The following IL7 variants were observed in gnomAD, a reference collection of about 807,000 sequenced individuals.
IL7 encodes interleukin-7.
Under a neutral mutation model 21.6 loss-of-function variants are expected in IL7, and 3 were observed. The ratio of observed to expected loss-of-function variants is 0.14; its 90% confidence interval spans 0.06 to 0.36. The LOEUF (loss-of-function observed/expected upper bound fraction) is 0.36. Among genes scored for constraint, IL7 ranks in the 10% least tolerant of loss-of-function variants. IL7 has a pLI of 1.00. For synonymous variants in IL7, 62 were observed against 68.1 expected, an observed-to-expected ratio of 0.91 and a Z score of 0.44; for missense variants, 175 against 200.2, an observed-to-expected ratio of 0.87 and a Z score of 0.76.
intron 4 of IL7, chr8:78,678,815 G>A (rs1809669870): frequency 2.0e-6 from 1 of 501,196 alleles, no homozygotes; most frequent in Non-Finnish European, 3.3e-6. Context: ...ATACAATTCT[G>A]TGTTATATGT....
intron 2 of IL7, among the ~76,000 whole-genome samples, chr8:78,778,982 A>G (rs544050139): frequency 2.0e-5 from 3 of 151,932 alleles, no homozygotes; most frequent in Admixed American, 2.0e-4. Context: ...TGTATTCCTA[A>G]GTATTTTATC....
chr8:78,718,863 T>C (rs1243431860), intron 6 of IL7: 2 of 151,818 alleles, frequency 1.3e-5, no homozygotes, highest in Non-Finnish European at 3.0e-5. Context: ...TCTTATATAA[T>C]TCCTAGCTTT....
At chr8:78,686,638 C>A in intron 3 of IL7, 2 of 1,432,160 alleles carry the variant, frequency 1.4e-6, no homozygotes, top group South Asian at 1.7e-5. Flanking sequence ...CAGAAATGTT[C>A]ATGTGGAAAG....
At chr8:78,743,676 A>G (rs1811876181) in intron 2 of IL7, among the ~76,000 whole-genome samples, 1 of 152,162 alleles carries the variant, frequency 6.6e-6, no homozygotes, top group African/African-American at 2.4e-5. Context: ...TGGAGAGGTA[A>G]TGAGGTCAGC....
At chr8:78,784,629 C>T (rs1263632458) in intron 2 of IL7, among the ~76,000 whole-genome samples, 2 of 151,444 alleles carry the variant, frequency 1.3e-5, no homozygotes, top group South Asian at 2.1e-4. Flanking sequence ...CTTGTCTGTA[C>T]CAGGTAACAT....
At chr8:78,718,812 C>G (rs1479721011) in intron 6 of IL7, 1 of 151,564 alleles carries the variant, frequency 6.6e-6, no homozygotes, top group African/African-American at 2.4e-5. Context: ...TCAATCAAAC[C>G]TAAGAGAGCT....
intron 3 of IL7, among the ~76,000 whole-genome samples, chr8:78,695,453 A>C (rs1171316632): frequency 6.6e-6 from 1 of 152,200 alleles, no homozygotes; most frequent in Admixed American, 6.5e-5. Flanking sequence ...GTAATAGGCC[A>C]CATCAGCGCA....
At chr8:78,716,390 T>C (rs545268310), downstream of IL7, among the ~76,000 whole-genome samples, 267 of 152,240 alleles carry the variant, frequency 1.8e-3, 1 homozygote, top group African/African-American at 6.1e-3. Flanking sequence ...CCCAAAGTGC[T>C]GGGATTACAG....
downstream of IL7, among the ~76,000 whole-genome samples, chr8:78,716,358 C>T (rs1253811961): frequency 6.6e-6 from 1 of 151,882 alleles, no homozygotes; most frequent in Non-Finnish European, 1.5e-5. Context: ...CTCCTGACCT[C>T]ATGATCCACC....
intron 3 of IL7, 48 bp downstream of exon 3, chr8:78,739,954 T>G (rs1811723758): frequency 6.8e-7 from 1 of 1,463,554 alleles, no homozygotes; most frequent in Non-Finnish European, 9.0e-7. Context: ...AAATAGAAGC[T>G]TCTATAAAAT....
chr8:78,728,464 G>A (rs573666525), downstream of IL7, among the ~76,000 whole-genome samples: 1 of 152,090 alleles, frequency 6.6e-6, no homozygotes, highest in East Asian at 1.9e-4. Flanking sequence ...CCATAAATAT[G>A]CACACATAAA....
At chr8:78,737,933 G>C (rs1355585957) in intron 4 of IL7, among the ~76,000 whole-genome samples, 1 of 152,044 alleles carries the variant, frequency 6.6e-6, no homozygotes, top group East Asian at 1.9e-4. Context: ...GCATTTTGTA[G>C]ATAAGGAAAC....
intron 4 of IL7, among the ~76,000 whole-genome samples, chr8:78,680,830 G>T (rs922971712): frequency 6.6e-5 from 10 of 152,304 alleles, no homozygotes; most frequent in Admixed American, 6.5e-4. Context: ...AAAGGTGAGA[G>T]ATCTTATCAG....
chr8:78,802,937 C>T (rs1487656044), intron 1 of IL7, among the ~76,000 whole-genome samples: 3 of 152,100 alleles, frequency 2.0e-5, no homozygotes, highest in Non-Finnish European at 4.4e-5. Context: ...TGTGAAACTG[C>T]ATCATATGCT....
chr8:78,716,621 C>T (rs1586036335), downstream of IL7, among the ~76,000 whole-genome samples: 1 of 152,242 alleles, frequency 6.6e-6, no homozygotes, highest in Non-Finnish European at 1.5e-5. Context: ...TGGTTGGGTT[C>T]TCTTTAGAGA....
downstream of IL7, chr8:78,717,462 G>C (rs748322481): frequency 2.4e-5 from 39 of 1,594,510 alleles, no homozygotes; most frequent in South Asian, 4.5e-4. Flanking sequence ...AAATTTTGCT[G>C]TGAATGTGGC....
intron 3 of IL7, among the ~76,000 whole-genome samples, chr8:78,696,965 CT>C (rs1810440595): frequency 6.6e-6 from 1 of 152,094 alleles, no homozygotes; most frequent in South Asian, 2.1e-4. Flanking sequence ...TCCGTTAGAC[CT>C]TTTTTTCTTT....
At chr8:78,700,200 C>T (rs1810555311) in intron 3 of IL7, among the ~76,000 whole-genome samples, 1 of 152,134 alleles carries the variant, frequency 6.6e-6, no homozygotes, top group African/African-American at 2.4e-5. Context: ...TTTTGATTTG[C>T]GTTTCTCTAA....
chr8:78,801,771 A>G (rs1357185495), intron 1 of IL7, among the ~76,000 whole-genome samples: 1 of 152,170 alleles, frequency 6.6e-6, no homozygotes, highest in Non-Finnish European at 1.5e-5. Context: ...TTAGATCTGA[A>G]ATTGCCTCAC....
Sources: allele counts gnomAD v4.1 joint callset (sites outside exome capture counted in the v4.1 genomes callset), GRCh38; gene constraint gnomAD v4.1.1; transcripts MANE v1.5; gene names NCBI Gene and HGNC (gene_info 2026-07-23, HGNC 2026-07-21).